The following GPM6A variants were observed in gnomAD, a reference collection of about 807,000 sequenced individuals.
The protein encoded by GPM6A is glycoprotein M6A.
Under a neutral mutation model 32.1 loss-of-function variants are expected in GPM6A, and 7 were observed. The ratio of observed to expected loss-of-function variants is 0.22; its 90% CI spans 0.12 to 0.41. GPM6A has a LOEUF of 0.41. Ranked by LOEUF, GPM6A falls within the 10% of genes least tolerant of loss-of-function variation. GPM6A has a pLI of 1.00. For synonymous variants in GPM6A, 130 were observed against 123.4 expected, an observed-to-expected ratio of 1.05 and a Z score of -0.35; for missense variants, 235 against 347.2, an observed-to-expected ratio of 0.68 and a Z score of 2.57.
At position 176,001,038 on chromosome 4, in the gene GPM6A, T is replaced by C. The variant is rs561063352; in HGVS notation, c.-23+1271A>G. On this transcript the variant is annotated intron_variant, in intron 1 of 7. Transcript: ENST00000280187. Reference sequence around the variant, plus strand: ...AAGCAAGAAGAGACTATGAAAGTCTTGATCACAGCTAACATTCATAGGCAA... The same window carrying C: ...AAGCAAGAAGAGACTATGAAAGTCTCGATCACAGCTAACATTCATAGGCAA... Among the ~76,000 whole-genome samples, 706 of 152,324 alleles carry C rather than the reference T, an allele frequency of 4.6e-3. 6 individuals are homozygous for C. Among genetic ancestry groups the C allele is most frequent in the Middle Eastern group, 0.01 (3 of 294 alleles).
At chr4:175,913,292 T>C (rs1738380496) in intron 1 of GPM6A, among the ~76,000 whole-genome samples, 1 of 152,210 alleles carries the variant, frequency 6.6e-6, no homozygotes, top group South Asian at 2.1e-4. Flanking sequence ...TTCCAAGAAT[T>C]GTGTCTATGC....
chr4:175,810,533 A>G (rs534857505), intron 1 of GPM6A, among the ~76,000 whole-genome samples: 20 of 152,230 alleles, frequency 1.3e-4, no homozygotes, highest in Non-Finnish European at 2.8e-4. Flanking sequence ...TTACCTGAGA[A>G]AAAAACATCA....
At chr4:175,756,417 C>T (rs1019856201) in intron 1 of GPM6A, among the ~76,000 whole-genome samples, 1 of 152,030 alleles carries the variant, frequency 6.6e-6, no homozygotes, top group Admixed American at 6.6e-5. Flanking sequence ...ATATGGCAAT[C>T]TTGAAAGGTT....
intron 1 of GPM6A, among the ~76,000 whole-genome samples, chr4:175,957,157 C>A (rs1030433570): frequency 6.6e-6 from 1 of 152,130 alleles, no homozygotes; most frequent in African/African-American, 2.4e-5. Flanking sequence ...AGCAGGCTGG[C>A]AAATGAAGTT....
intron 1 of GPM6A, among the ~76,000 whole-genome samples, chr4:175,880,977 G>T (rs908386028): frequency 1.3e-5 from 2 of 152,060 alleles, no homozygotes; most frequent in Admixed American, 1.3e-4. Context: ...GGCAACGAAA[G>T]CCAAAACTGA....
intron 6 of GPM6A, among the ~76,000 whole-genome samples, chr4:175,637,658 AATATATAAT>A (rs1377683546): frequency 0.21 from 5,463 of 25,674 alleles, 283 homozygotes; most frequent in East Asian, 0.54. Context: ...TAAAATATAA[AATATATAAT>A]ATATATAATA....
chr4:175,684,226 T>G (rs2333256), intron 2 of GPM6A, among the ~76,000 whole-genome samples: 60,977 of 152,098 alleles, frequency 0.4, 14,750 homozygotes, highest in Non-Finnish European at 0.52. Context: ...TTACAAATAT[T>G]TTCTTCTAGT....
chr4:175,888,458 G>C (rs1265405184), intron 1 of GPM6A, among the ~76,000 whole-genome samples: 1 of 151,886 alleles, frequency 6.6e-6, no homozygotes, highest in Non-Finnish European at 1.5e-5. Flanking sequence ...AACTAGAAAA[G>C]AACAAAGCTG....
Position 175,991,231 on chromosome 4 carries a change from A to AAT in GPM6A, c.-23+11077_-23+11078insAT, listed in dbSNP as rs1554007436. On this transcript the variant is annotated intron_variant, in intron 1 of 7. Transcript: ENST00000280187. The stretch of plus-strand genomic sequence containing the variant: ...CAGGTGCCCGCCACCACTCCCAGCT[A>AAT]TTTTTTTTTTTTTTTTGTATGCTTA... Among the ~76,000 whole-genome samples the AAT allele has an allele frequency of 2.0e-3, 242 of 119,090 alleles. 1 individual carries two copies. Among genetic ancestry groups the AAT allele is most frequent in the Middle Eastern group, 4.7e-3 (1 of 212 alleles). The allele number at this position is 119,090 out of a possible 152,430, so 78.1% of individuals were successfully genotyped here.
At chr4:175,851,614 G>C (rs1736261339) in intron 1 of GPM6A, among the ~76,000 whole-genome samples, 1 of 152,150 alleles carries the variant, frequency 6.6e-6, no homozygotes, top group South Asian at 2.1e-4. Context: ...GTAAAATGGG[G>C]ATCTTGGAAA....
chr4:175,947,871 T>C (rs938919306), intron 1 of GPM6A, among the ~76,000 whole-genome samples: 2 of 152,210 alleles, frequency 1.3e-5, no homozygotes, highest in Non-Finnish European at 2.9e-5. Flanking sequence ...CATCATATTC[T>C]AGATTTTTTA....
chr4:175,968,849 C>T (rs1740411857), intron 1 of GPM6A, among the ~76,000 whole-genome samples: 1 of 152,134 alleles, frequency 6.6e-6, no homozygotes, highest in Non-Finnish European at 1.5e-5. Context: ...CAAAATGGTA[C>T]AGCCATTTTA....
intron 2 of GPM6A, among the ~76,000 whole-genome samples, chr4:175,679,489 A>C (rs1195339570): frequency 6.6e-6 from 1 of 152,124 alleles, no homozygotes; most frequent in African/African-American, 2.4e-5. Context: ...GTGAGGAGAT[A>C]CTTTAAGACC....
chr4:175,704,336 C>A (rs1348539535), intron 1 of GPM6A, among the ~76,000 whole-genome samples: 1 of 151,804 alleles, frequency 6.6e-6, no homozygotes, highest in Non-Finnish European at 1.5e-5. Context: ...CACACACACA[C>A]ACGTGCACGT....
chr4:175,978,480 CA>C (rs1561020492), intron 1 of GPM6A, among the ~76,000 whole-genome samples: 2 of 151,856 alleles, frequency 1.3e-5, no homozygotes, highest in Non-Finnish European at 1.5e-5. Flanking sequence ...TTAGAGTACC[CA>C]AAAAAAGATC....
chr4:175,746,377 T>C (rs1399006913), intron 1 of GPM6A, among the ~76,000 whole-genome samples: 1 of 152,240 alleles, frequency 6.6e-6, no homozygotes, highest in East Asian at 1.9e-4. Context: ...ATTTTGCACA[T>C]CTTGGGTTGC....
chr4:175,925,046 A>G (rs1188920463), intron 1 of GPM6A, among the ~76,000 whole-genome samples: 1 of 152,194 alleles, frequency 6.6e-6, no homozygotes, highest in Non-Finnish European at 1.5e-5. Context: ...GAAATTAATA[A>G]TGAATATGTA....
At chr4:175,642,969 A>G (rs998213286) in intron 4 of GPM6A, among the ~76,000 whole-genome samples, 3 of 152,084 alleles carry the variant, frequency 2.0e-5, no homozygotes, top group Admixed American at 6.5e-5. Context: ...ATCTTTCTTG[A>G]TAGCAAATCT....
At chr4:175,877,183 TG>T (rs1232856323) in intron 1 of GPM6A, among the ~76,000 whole-genome samples, 1 of 152,178 alleles carries the variant, frequency 6.6e-6, no homozygotes, top group Non-Finnish European at 1.5e-5. Context: ...GTGGGCACAG[TG>T]TGGCACAATC....
Sources: allele counts gnomAD v4.1 joint callset (sites outside exome capture counted in the v4.1 genomes callset), GRCh38; gene constraint gnomAD v4.1.1; transcripts MANE v1.5; gene names NCBI Gene and HGNC (gene_info 2026-07-23, HGNC 2026-07-21).